The following KIF6 variants were observed in gnomAD, a reference collection of about 807,000 sequenced individuals.
KIF6 encodes the protein kinesin family member 6.
In KIF6, 106 loss-of-function variants were observed where a neutral mutation model predicts 112.7. The ratio of observed to expected loss-of-function variants is 0.94; its 90% CI spans 0.80 to 1.11. The LOEUF (loss-of-function observed/expected upper bound fraction) is 1.11. KIF6 is among the 50% of genes least tolerant of loss of function. The pLI is 0.00. For missense variants in KIF6, 929 were observed against 964.0 expected, an observed-to-expected ratio of 0.96 and a Z score of 0.48; for synonymous variants, 339 against 339.9, an observed-to-expected ratio of 1.00 and a Z score of 0.03.
At chr6:39,472,261 T>A (rs879552153) in intron 13 of KIF6, among the ~76,000 whole-genome samples, 10 of 152,188 alleles carry the variant, frequency 6.6e-5, no homozygotes, top group Non-Finnish European at 1.3e-4. Flanking sequence ...CTTCTCTGTG[T>A]CTGTTCCTCT....
At chr6:39,595,064 G>A (rs1323400203) in intron 7 of KIF6, among the ~76,000 whole-genome samples, 1 of 152,042 alleles carries the variant, frequency 6.6e-6, no homozygotes. Flanking sequence ...GCACATACTG[G>A]GGTAGATTGT....
intron 14 of KIF6, among the ~76,000 whole-genome samples, chr6:39,428,877 A>G (rs6921508): frequency 9.3e-4 from 141 of 152,210 alleles, no homozygotes; most frequent in African/African-American, 3.2e-3. Context: ...CTACCTGTCT[A>G]CTTCCCCAGT....
intron 16 of KIF6, among the ~76,000 whole-genome samples, chr6:39,367,632 C>T (rs912895216): frequency 6.6e-6 from 1 of 152,110 alleles, no homozygotes; most frequent in Non-Finnish European, 1.5e-5. Flanking sequence ...TCTGAAGTCA[C>T]GGGTGTTTTG....
At chr6:39,431,472 C>T in intron 13 of KIF6, 1 of 252,052 alleles carries the variant, frequency 4.0e-6, no homozygotes. Flanking sequence ...CCGAGGATGT[C>T]TGCAAATGCC....
chr6:39,538,735 A>G (rs1778597488), intron 13 of KIF6, among the ~76,000 whole-genome samples: 1 of 150,314 alleles, frequency 6.7e-6, no homozygotes, highest in African/African-American at 2.5e-5. Flanking sequence ...CCAAAGGACT[A>G]TAAATCTTGC....
At chr6:39,361,431 T>C (rs1765129996) in intron 17 of KIF6, among the ~76,000 whole-genome samples, 1 of 151,628 alleles carries the variant, frequency 6.6e-6, no homozygotes, top group Admixed American at 6.6e-5. Flanking sequence ...TTGTGGTGCG[T>C]GGCTGTAATC....
chr6:39,693,691 C>T (rs1183608093), intron 3 of KIF6, among the ~76,000 whole-genome samples: 1 of 151,614 alleles, frequency 6.6e-6, no homozygotes, highest in Non-Finnish European at 1.5e-5. Context: ...ATCTACCAAC[C>T]AAAAGAGTCC....
intron 5 of KIF6, among the ~76,000 whole-genome samples, chr6:39,624,792 A>G (rs1784004184): frequency 1.3e-5 from 2 of 151,044 alleles, no homozygotes; most frequent in Non-Finnish European, 2.9e-5. Context: ...TATACGAGTG[A>G]AAACACTGAA....
intron 13 of KIF6, among the ~76,000 whole-genome samples, chr6:39,521,318 C>T (rs946284606): frequency 2.0e-5 from 3 of 152,180 alleles, no homozygotes; most frequent in Admixed American, 6.5e-5. Flanking sequence ...GCTTTAGTGT[C>T]TGTATGTTAC....
intron 13 of KIF6, among the ~76,000 whole-genome samples, chr6:39,494,091 G>A (rs1174182102): frequency 1.3e-5 from 2 of 152,178 alleles, no homozygotes; most frequent in Non-Finnish European, 2.9e-5. Flanking sequence ...ATGCAAGTGT[G>A]GAAATGTGGA....
intron 10 of KIF6, among the ~76,000 whole-genome samples, chr6:39,572,171 G>A (rs926987283): frequency 2.0e-5 from 3 of 152,068 alleles, no homozygotes; most frequent in African/African-American, 7.2e-5. Flanking sequence ...TAAGTCTGCA[G>A]AGTCATTAAA....
chr6:39,630,074 C>T (rs1301339272), intron 5 of KIF6, among the ~76,000 whole-genome samples: 3 of 151,944 alleles, frequency 2.0e-5, no homozygotes, highest in Non-Finnish European at 4.4e-5. Flanking sequence ...TACCATACTG[C>T]CTTAATTACC....
chr6:39,545,822 T>C (rs571421717), intron 10 of KIF6, 134 bp from the exon 11 acceptor site: 5 of 541,164 alleles, frequency 9.2e-6, no homozygotes, highest in East Asian at 6.1e-5. Flanking sequence ...GATTTGAGTA[T>C]AAAAATTAAG....
At chr6:39,376,605 G>C (rs750854240) in intron 16 of KIF6, among the ~76,000 whole-genome samples, 1 of 152,192 alleles carries the variant, frequency 6.6e-6, no homozygotes, top group African/African-American at 2.4e-5. Flanking sequence ...GACCTACTGC[G>C]TGACAGTCAC....
chr6:39,571,860 C>T (rs1582162865), intron 10 of KIF6, among the ~76,000 whole-genome samples: 1 of 152,096 alleles, frequency 6.6e-6, no homozygotes, highest in Non-Finnish European at 1.5e-5. Context: ...CTGCTATTCT[C>T]TACACTCCTT....
chr6:39,612,798 T>C (rs1358643836), intron 6 of KIF6, among the ~76,000 whole-genome samples: 1 of 152,198 alleles, frequency 6.6e-6, no homozygotes, highest in Non-Finnish European at 1.5e-5. Context: ...AAAAATGGAC[T>C]GAGTATTTTT....
In KIF6 at chr6:39,336,535, A is replaced by G. The variant is rs1762916861; in HGVS notation, c.2442T>C (p.Asn814=). Reference sequence around the variant, plus strand: ...TGGATGGATATTTCCTGGAAATTCAATTGCTTCCCAAACCTGAAAGGGAGA... The same window carrying G: ...TGGATGGATATTTCCTGGAAATTCAGTTGCTTCCCAAACCTGAAAGGGAGA... ...SILQKQCLGS[N] Residue 814 remains asparagine, a synonymous_variant, in exon 23 of 23, where the codon AAT becomes AAC. Transcript: ENST00000287152. The G allele has an allele frequency of 3.1e-6, 5 of 1,613,998 alleles. No individual in the cohort carries two copies. The highest frequency in any genetic ancestry group is 4.2e-6 in the Non-Finnish European group (5 of 1,179,898).
At chr6:39,598,577 ATGTGTGTGTGTG>A (rs70984133) in intron 6 of KIF6, among the ~76,000 whole-genome samples, 1 of 147,860 alleles carries the variant, frequency 6.8e-6, no homozygotes, top group African/African-American at 2.5e-5. Context: ...ATACATATAT[ATGTGTGTGTGTG>A]TGTGTGTGTG....
intron 7 of KIF6, among the ~76,000 whole-genome samples, chr6:39,591,486 T>G (rs1252729215): frequency 6.6e-6 from 1 of 152,226 alleles, no homozygotes; most frequent in African/African-American, 2.4e-5. Context: ...ATTTCTGGAA[T>G]AGTTCTTAGT....
Sources: gnomAD v4.1 joint callset for allele counts (sites outside exome capture counted in the v4.1 genomes callset) on GRCh38, gnomAD v4.1.1 for gene constraint, MANE v1.5 for transcripts, NCBI Gene and HGNC (gene_info 2026-07-23, HGNC 2026-07-21) for gene names.